The following TYW1B variants were observed in gnomAD, a reference collection of about 807,000 sequenced individuals.
The protein encoded by TYW1B is S-adenosyl-L-methionine-dependent tRNA 4-demethylwyosine synthase TYW1B.
Under a neutral mutation model 86.9 loss-of-function variants are expected in TYW1B, and 73 were observed. That is an observed-to-expected ratio of 0.84 (90% CI 0.70 to 1.02). The LOEUF (loss-of-function observed/expected upper bound fraction) is 1.02, where lower values mean the gene tolerates loss of function less well. Among genes scored for constraint, TYW1B ranks in the 50% least tolerant of loss-of-function variants. The pLI, the probability that TYW1B is intolerant of heterozygous loss-of-function variation, is 0.00. For missense variants in TYW1B, 637 were observed against 827.4 expected (o/e 0.77, Z 2.82); for synonymous variants, 248 against 292.8 (o/e 0.85, Z 1.56).
intron 13 of TYW1B, among the ~76,000 whole-genome samples, chr7:72,585,726 C>G (rs376125020): frequency 1.3e-5 from 2 of 152,134 alleles, no homozygotes; most frequent in African/African-American, 4.8e-5. Context: ...GTGAGACATG[C>G]CTTTCACCTT....
chr7:72,799,294 G>A (rs1554475198), intron 6 of TYW1B, among the ~76,000 whole-genome samples: 2 of 150,578 alleles, frequency 1.3e-5, no homozygotes, highest in Non-Finnish European at 2.9e-5. Flanking sequence ...AAGTAGCTGG[G>A]ACTACAGGTT....
chr7:72,681,455 A>G (rs1813872678), intron 11 of TYW1B, among the ~76,000 whole-genome samples: 1 of 152,112 alleles, frequency 6.6e-6, no homozygotes, highest in African/African-American at 2.4e-5. Context: ...AGAAGTGCCC[A>G]ATGCAGACTG....
Position 72,807,297 on chromosome 7 carries a change from T to C in TYW1B, c.492A>G (p.Arg164=). ...WMLGVHRVMS[R]GEGDCDVVKS... Reference sequence around the variant, plus strand: ...TAACCACGTCGCAGTCGCCCTCCCCTCGACTCATCACACGATGCACGCCAA... The same window carrying C: ...TAACCACGTCGCAGTCGCCCTCCCCCCGACTCATCACACGATGCACGCCAA... The change falls in exon 5 of 14, where the codon CGA becomes CGG. Residue 164 remains arginine (R), a synonymous_variant. Transcript: ENST00000620995. 6.2e-7 allele frequency: 1 copy of C among 1,614,110 alleles called. No homozygotes were observed. The highest frequency in any genetic ancestry group is 8.5e-7 in the Non-Finnish European group (1 of 1,180,038).
chr7:72,727,976 T>C lies in TYW1B; in HGVS notation c.1192+846A>G, dbSNP rs1356250523. On this transcript the variant is annotated intron_variant, in intron 9 of 13. Coordinates refer to ENST00000620995, the MANE Select transcript of TYW1B (RefSeq NM_001145440.3). ...AACCCGTAACCTCCAGTGAAGTCAA[T>C]ATTTGTTAATATGAGACAGAATTAA... Among the ~76,000 whole-genome samples the C allele has an allele frequency of 5.3e-4, 80 of 152,170 alleles. 1 individual carries two copies. Among genetic ancestry groups the C allele is most frequent in the Non-Finnish European group, 8.8e-5 (6 of 68,038 alleles).
chr7:72,688,956 T>C (rs1319872964), intron 11 of TYW1B, among the ~76,000 whole-genome samples: 3 of 152,196 alleles, frequency 2.0e-5, no homozygotes, highest in Non-Finnish European at 4.4e-5. Flanking sequence ...ATTTCAGAAG[T>C]GGCTGAAAGC....
At chr7:72,718,518 A>G (rs1204317421) in intron 9 of TYW1B, among the ~76,000 whole-genome samples, 1 of 152,022 alleles carries the variant, frequency 6.6e-6, no homozygotes, top group Non-Finnish European at 1.5e-5. Flanking sequence ...TCAAAGCAAC[A>G]GAGTACAGAC....
At chr7:72,652,687 AAACATT>A (rs1813094403) in intron 11 of TYW1B, among the ~76,000 whole-genome samples, 1 of 152,042 alleles carries the variant, frequency 6.6e-6, no homozygotes, top group Non-Finnish European at 1.5e-5. Context: ...GTATACTGTA[AAACATT>A]AACATTAAAA....
At position 72,575,672 on chromosome 7, in the gene TYW1B, G is replaced by A. The variant is rs574158057; in HGVS notation, c.1833C>T (p.Phe611=). Residue 611 remains phenylalanine, a synonymous_variant, in exon 14 of 14, where the codon TTC becomes TTT. Coordinates refer to ENST00000620995, the MANE Select transcript of TYW1B (RefSeq NM_001145440.3). ...CTTCATATTCCTGGATGAGCTCCTG[G>A]AAGCGGTTATAATCGATCCATGTCC... The part of the protein sequence containing the change: ...EWWTWIDYNR[F]QELIQEYEDS... 413 of 1,613,344 alleles carry A rather than the reference G, an allele frequency of 2.6e-4. 5 individuals are homozygous for A. In the East Asian group the frequency reaches 7.8e-3, roughly 30 times the overall value.
chr7:72,585,178 C>T (rs1354084363), intron 13 of TYW1B, among the ~76,000 whole-genome samples: 4 of 152,184 alleles, frequency 2.6e-5, no homozygotes, highest in Non-Finnish European at 4.4e-5. Context: ...AAAGAAAAAA[C>T]TTGTATCATT....
At chr7:72,827,232 A>AC (rs1239014250) in intron 1 of TYW1B, among the ~76,000 whole-genome samples, 5 of 151,150 alleles carry the variant, frequency 3.3e-5, no homozygotes, top group Admixed American at 2.0e-4. Flanking sequence ...ACATGGTGAA[A>AC]CCCCGCCTCT....
chr7:72,736,554 A>G lies in TYW1B; in HGVS notation c.1083-7623T>C, dbSNP rs1188991197. ...TCTACTTCACTTTTTACATGCATCC[A>G]TGACCAAAATCCATTTTAAACGTTT... On this transcript the variant is annotated intron_variant, in intron 8 of 13. Coordinates refer to ENST00000620995, the MANE Select transcript of TYW1B (RefSeq NM_001145440.3). Among the ~76,000 whole-genome samples, 3 of 152,330 alleles carry G rather than the reference A, an allele frequency of 2.0e-5. No homozygotes were observed. In the Middle Eastern group the frequency reaches 0.01, roughly 518 times the overall value.
intron 7 of TYW1B, among the ~76,000 whole-genome samples, chr7:72,771,435 A>T (rs35668664): frequency 0.69 from 104,956 of 152,114 alleles, 37,189 homozygotes; most frequent in Non-Finnish European, 0.77. Flanking sequence ...ACATCTATCA[A>T]AATTTGCTGA....
intron 7 of TYW1B, among the ~76,000 whole-genome samples, chr7:72,755,530 G>T (rs2129571572): frequency 6.6e-6 from 1 of 152,280 alleles, no homozygotes; most frequent in East Asian, 1.9e-4. Flanking sequence ...ACAAATGTTA[G>T]CCAGGCGTGG....
intron 13 of TYW1B, among the ~76,000 whole-genome samples, chr7:72,601,782 AAAG>A (rs1269530608): frequency 1.3e-5 from 2 of 151,714 alleles, no homozygotes; most frequent in Non-Finnish European, 2.9e-5. Flanking sequence ...AAAAAAAAAG[AAAG>A]AAGCCAGTTT....
chr7:72,656,183 C>A (rs1175508447), intron 11 of TYW1B, among the ~76,000 whole-genome samples: 2 of 152,170 alleles, frequency 1.3e-5, no homozygotes, highest in African/African-American at 4.8e-5. Context: ...GCCTATGCCA[C>A]TGAGAGGAAC....
In TYW1B at chr7:72,670,546, G is replaced by A. The variant is rs74301578; in HGVS notation, c.1506+24141C>T. 9.0e-3 allele frequency among the ~76,000 whole-genome samples: 1,374 copies of A among 152,278 alleles called. 75 individuals carry two copies. In the South Asian group the frequency reaches 0.11, roughly 12 times the overall value. ...AGTACTCTTAACCCCACTTTACAGT[G>A]AGGAAGTAAAGACTTCACAGAGGTT... On this transcript the variant is annotated intron_variant, in intron 11 of 13. Transcript: ENST00000620995.
intron 11 of TYW1B, among the ~76,000 whole-genome samples, chr7:72,640,041 G>C (rs1554441323): frequency 1.3e-5 from 2 of 152,026 alleles, no homozygotes; most frequent in African/African-American, 4.8e-5. Flanking sequence ...AATAAGTCAA[G>C]CATGCCTGCG....
chr7:72,615,313 T>A (rs1394690006), intron 13 of TYW1B, among the ~76,000 whole-genome samples: 1 of 152,240 alleles, frequency 6.6e-6, no homozygotes, highest in Non-Finnish European at 1.5e-5. Flanking sequence ...TTTTGAAAGA[T>A]GCCTTGTAGT....
rs200258949 is a variant in TYW1B, at chr7:72,575,686, C to G, written c.1819G>C (p.Asp607His). 4.5e-6 allele frequency: 7 copies of G among 1,549,190 alleles called. No homozygotes were observed. Among genetic ancestry groups the G allele is most frequent in the Non-Finnish European group, 6.2e-6 (7 of 1,127,210 alleles). The change falls in exon 14 of 14, where the codon GAT (aspartate) becomes CAT (histidine). Residue 607 changes from aspartate to histidine, a missense_variant. Transcript: ENST00000620995. ...ATGAGCTCCTGGAAGCGGTTATAAT[C>G]GATCCATGTCCACCATTCACCACCA... ...KIGGEWWTWIDYNRFQELIQE... is the reference protein window; with the variant it reads ...KIGGEWWTWIHYNRFQELIQE...
Sources: gnomAD v4.1 joint callset for allele counts (sites outside exome capture counted in the v4.1 genomes callset) on GRCh38, gnomAD v4.1.1 for gene constraint, MANE v1.5 for transcripts, NCBI Gene and HGNC (gene_info 2026-07-23, HGNC 2026-07-21) for gene names.